Variants in XIRP2 observed in about 807,000 individuals in gnomAD.
XIRP2 encodes the protein xin actin-binding repeat-containing protein 2.
In XIRP2, 236 loss-of-function variants were observed where a neutral mutation model predicts 277.0. The observed-to-expected ratio is 0.85, with a 90% confidence interval of 0.77 to 0.95. XIRP2 has a LOEUF of 0.95. Ranked by LOEUF, XIRP2 falls within the 40% of genes least tolerant of loss-of-function variation. XIRP2 has a pLI of 0.00. For synonymous variants in XIRP2, 1,490 were observed against 1,416.5 expected, an observed-to-expected ratio of 1.05 and a Z score of -1.17; for missense variants, 4,640 against 4,157.5, an observed-to-expected ratio of 1.12 and a Z score of -3.19.
intron 3 of XIRP2, among the ~76,000 whole-genome samples, chr2:167,191,669 C>T (rs988891434): frequency 3.3e-5 from 5 of 152,150 alleles, no homozygotes; most frequent in African/African-American, 1.2e-4. Context: ...ATTTGTTCAT[C>T]TTTGTTAGCT....
chr2:167,142,575 A>T (rs1222813619), intron 3 of XIRP2, among the ~76,000 whole-genome samples: 1 of 152,012 alleles, frequency 6.6e-6, no homozygotes, highest in East Asian at 1.9e-4. Flanking sequence ...AAAAAATAAA[A>T]AAAAAGAGAG....
intron 2 of XIRP2, among the ~76,000 whole-genome samples, chr2:167,006,677 A>G (rs1356318335): frequency 6.6e-6 from 1 of 151,742 alleles, no homozygotes; most frequent in Non-Finnish European, 1.5e-5. Flanking sequence ...TAGACCAAGC[A>G]TCCCAGCAAC....
At chr2:166,911,516 A>T (rs1684699229) in intron 2 of XIRP2, among the ~76,000 whole-genome samples, 1 of 151,934 alleles carries the variant, frequency 6.6e-6, no homozygotes, top group South Asian at 2.1e-4. Context: ...TGCCCATGAG[A>T]TGGGTCTCCT....
At position 167,249,865 on chromosome 2, in the gene XIRP2, C is replaced by A; in HGVS notation, c.8473C>A (p.Pro2825Thr). The A allele has an allele frequency of 6.2e-7, 1 of 1,613,440 alleles. No individual in the cohort carries two copies. Among genetic ancestry groups the A allele is most frequent in the Non-Finnish European group, 8.5e-7 (1 of 1,179,726 alleles). Residue 2825 changes from proline (P) to threonine (T), a missense_variant, in exon 9 of 11, where the codon CCA becomes ACA. Coordinates refer to ENST00000409195, the MANE Select transcript of XIRP2 (RefSeq NM_152381.6). The stretch of plus-strand genomic sequence containing the variant: ...AGGAAGTGAAGAAAAAAATCAGGGA[C>A]CATCAATGATTGGTCGAAAAGAAGA... ...LPGSEEKNQGPSMIGRKEERL... is the reference protein window; with the variant it reads ...LPGSEEKNQGTSMIGRKEERL...
intron 5 of XIRP2, among the ~76,000 whole-genome samples, chr2:167,236,374 A>G (rs1694899509): frequency 6.6e-6 from 1 of 152,086 alleles, no homozygotes; most frequent in South Asian, 2.1e-4. Flanking sequence ...TAGGCAGGAT[A>G]CGAACTGCTT....
At chr2:167,068,805 C>A (rs1167405424) in intron 2 of XIRP2, among the ~76,000 whole-genome samples, 1 of 152,118 alleles carries the variant, frequency 6.6e-6, no homozygotes, top group Non-Finnish European at 1.5e-5. Context: ...CAGCACAAAT[C>A]ATAAACTTTC....
chr2:167,078,677 T>G (rs561664425), intron 2 of XIRP2, among the ~76,000 whole-genome samples: 9 of 151,626 alleles, frequency 5.9e-5, no homozygotes, highest in African/African-American at 2.2e-4. Flanking sequence ...TCTACTAAAA[T>G]TACAAAAAAT....
intron 2 of XIRP2, among the ~76,000 whole-genome samples, chr2:166,906,764 C>A (rs576869645): frequency 1.3e-5 from 2 of 151,918 alleles, no homozygotes; most frequent in African/African-American, 4.8e-5. Context: ...CCAGAACAGC[C>A]CAGGCAACCC....
chr2:166,910,344 G>T (rs1287758437), intron 2 of XIRP2, among the ~76,000 whole-genome samples: 1 of 151,946 alleles, frequency 6.6e-6, no homozygotes, highest in Non-Finnish European at 1.5e-5. Flanking sequence ...GTCTTGGGAG[G>T]GTGTATGTGT....
At chr2:167,039,089 T>C (rs563266214) in intron 2 of XIRP2, among the ~76,000 whole-genome samples, 111 of 152,252 alleles carry the variant, frequency 7.3e-4, no homozygotes, top group African/African-American at 2.5e-3. Context: ...TTTGATTTGA[T>C]CTTAACAAAA....
intron 2 of XIRP2, among the ~76,000 whole-genome samples, chr2:166,977,571 G>C (rs1686748165): frequency 6.6e-6 from 1 of 151,996 alleles, no homozygotes; most frequent in African/African-American, 2.4e-5. Flanking sequence ...TTATATTTTA[G>C]TAATTTTTTC....
At chr2:167,195,889 G>A (rs541182959) in intron 3 of XIRP2, among the ~76,000 whole-genome samples, 4 of 152,276 alleles carry the variant, frequency 2.6e-5, no homozygotes, top group South Asian at 2.1e-4. Context: ...ATGGAGGGAC[G>A]TTAGACCTAA....
intron 2 of XIRP2, among the ~76,000 whole-genome samples, chr2:167,091,142 C>T (rs1025888931): frequency 4.6e-5 from 7 of 152,108 alleles, no homozygotes; most frequent in African/African-American, 1.7e-4. Context: ...ACTTCTTTGT[C>T]ATTGACTTTT....
chr2:167,250,083 A>G lies in XIRP2; in HGVS notation c.8691A>G (p.Lys2897=). ...CATATAATAGTCTGCAGGAAGAAAA[A>G]TGTCTCGAAGTCAAGGGCATACAAG... ...PQPYNSLQEE[K]CLEVKGIQEK... The change falls in exon 9 of 11, where the codon AAA becomes AAG. Residue 2897 remains lysine, a synonymous_variant. Transcript: ENST00000409195. The G allele has an allele frequency of 2.5e-6, 4 of 1,613,572 alleles. No individual in the cohort carries two copies. The highest frequency in any genetic ancestry group is 3.4e-6 in the Non-Finnish European group (4 of 1,179,680).
rs769763922 is a variant in XIRP2 at position 167,243,013 on chromosome 2, C to A, written c.1621C>A (p.Gln541Lys). The A allele has an allele frequency of 6.2e-7, 1 of 1,614,010 alleles. No homozygotes were observed. The highest frequency in any genetic ancestry group is 1.1e-5 in the South Asian group (1 of 91,070). Residue 541 changes from glutamine to lysine, a missense_variant, in exon 9 of 11, where the codon CAA becomes AAA. Physicochemically the swap from Gln to Lys is moderately conservative, Grantham distance 53. Transcript: ENST00000409195. ...GAGTTCAGTCTCAGCAGATGTGCAA[C>A]AAGCCCGGTATGTTTTTGAAAACAC... ...SGSSVSADVQ[Q>K]ARYVFENTND...
At chr2:167,087,286 G>A (rs1470855910) in intron 2 of XIRP2, among the ~76,000 whole-genome samples, 12 of 152,164 alleles carry the variant, frequency 7.9e-5, no homozygotes, top group Admixed American at 2.0e-4. Context: ...CACTTGAGGA[G>A]GCAGTCTGCC....
chr2:167,157,432 A>C (rs191121008), intron 3 of XIRP2, among the ~76,000 whole-genome samples: 17 of 152,260 alleles, frequency 1.1e-4, no homozygotes, highest in Admixed American at 9.2e-4. Flanking sequence ...GTCAATATCC[A>C]CTTTATACAG....
chr2:167,048,740 A>G (rs1292859843), intron 2 of XIRP2, among the ~76,000 whole-genome samples: 2 of 151,914 alleles, frequency 1.3e-5, no homozygotes, highest in Non-Finnish European at 2.9e-5. Flanking sequence ...CAGCACTGTA[A>G]GACCTCAGCA....
chr2:167,090,059 C>T (rs116813781), intron 2 of XIRP2, among the ~76,000 whole-genome samples: 224 of 152,166 alleles, frequency 1.5e-3, no homozygotes, highest in Non-Finnish European at 2.0e-3. Context: ...CAAATGCCAA[C>T]TCAGTGAAGA....
Sources: allele counts gnomAD v4.1 joint callset (sites outside exome capture counted in the v4.1 genomes callset), GRCh38; gene constraint gnomAD v4.1.1; transcripts MANE v1.5; gene names NCBI Gene and HGNC (gene_info 2026-07-23, HGNC 2026-07-21).